RSU1: variants seen among roughly 807,000 people sequenced by gnomAD.
The protein encoded by RSU1 is rsu-1.
In RSU1, 26 loss-of-function variants were observed where a neutral mutation model predicts 31.1. The observed-to-expected ratio is 0.84, with a 90% CI of 0.61 to 1.16. RSU1 has a LOEUF of 1.16. Among genes scored for constraint, RSU1 ranks in the 50% most tolerant of loss-of-function variants. RSU1 has a pLI of 0.00. For missense variants in RSU1, 320 were observed against 339.1 expected (o/e 0.94, Z 0.44); for synonymous variants, 164 against 136.3 (o/e 1.20, Z -1.41).
chr10:16,608,124 C>A (rs548298921), intron 8 of RSU1, among the ~76,000 whole-genome samples: 43 of 152,362 alleles, frequency 2.8e-4, no homozygotes, highest in African/African-American at 1.0e-3. Flanking sequence ...AGCCACCACA[C>A]CCGGCCAGTA....
rs60014651 is a variant in RSU1 at position 16,784,087 on chromosome 10, ATT to A, written c.110-2005_110-2004del. 5.7e-4 allele frequency among the ~76,000 whole-genome samples: 83 copies of A among 146,566 alleles called. 1 individual carries two copies. Among genetic ancestry groups the A allele is most frequent in the East Asian group, 1.6e-3 (8 of 5,000 alleles). ...TTTGTATTATGTCCCTCTATGTACA[ATT>A]TTTTTTTTTTTTAACATGACCTTGC... On this transcript the variant is annotated intron_variant, in intron 2 of 8. Coordinates refer to ENST00000345264, the MANE Select transcript of RSU1 (RefSeq NM_012425.4).
chr10:16,700,630 G>C (rs563234148), intron 7 of RSU1, among the ~76,000 whole-genome samples: 2 of 152,314 alleles, frequency 1.3e-5, no homozygotes, highest in East Asian at 1.9e-4. Flanking sequence ...CATGATTACA[G>C]ACAAGTGGCC....
intron 8 of RSU1, among the ~76,000 whole-genome samples, chr10:16,607,998 T>C (rs1369692404): frequency 1.3e-5 from 2 of 152,178 alleles, no homozygotes; most frequent in East Asian, 1.9e-4. Flanking sequence ...ACCCGGCTCA[T>C]TTTTGCATTT....
chr10:16,815,251 T>A (rs944225553), intron 2 of RSU1, among the ~76,000 whole-genome samples: 12 of 152,206 alleles, frequency 7.9e-5, no homozygotes, highest in Admixed American at 2.6e-4. Flanking sequence ...GGCTAACTAG[T>A]ACACAACCTA....
intron 7 of RSU1, among the ~76,000 whole-genome samples, chr10:16,712,434 T>C (rs531958575): frequency 5.9e-5 from 9 of 152,226 alleles, no homozygotes; most frequent in Admixed American, 5.9e-4. Flanking sequence ...CTTCGCGGTT[T>C]GGTGGTTTTC....
chr10:16,597,416 G>C (rs1833634765), intron 8 of RSU1, among the ~76,000 whole-genome samples: 1 of 152,118 alleles, frequency 6.6e-6, no homozygotes, highest in African/African-American at 2.4e-5. Context: ...GGCCAGGTGG[G>C]AGCCAGTGGC....
intron 8 of RSU1, among the ~76,000 whole-genome samples, chr10:16,615,824 A>G (rs925457835): frequency 6.6e-6 from 1 of 152,226 alleles, no homozygotes; most frequent in East Asian, 1.9e-4. Flanking sequence ...CTCTGAAACC[A>G]ATGAGAACAA....
chr10:16,607,074 C>G (rs1446082812), intron 8 of RSU1, among the ~76,000 whole-genome samples: 5 of 152,162 alleles, frequency 3.3e-5, no homozygotes, highest in Non-Finnish European at 7.4e-5. Flanking sequence ...GGCGGTTTCT[C>G]ATGAATGGTT....
intron 7 of RSU1, among the ~76,000 whole-genome samples, chr10:16,740,382 A>C (rs915263222): frequency 1.3e-5 from 2 of 152,256 alleles, no homozygotes; most frequent in South Asian, 4.1e-4. Flanking sequence ...AAAAAATCTT[A>C]CAGATAACAT....
At chr10:16,635,979 C>A (rs762576148) in intron 8 of RSU1, among the ~76,000 whole-genome samples, 1 of 152,310 alleles carries the variant, frequency 6.6e-6, no homozygotes, top group South Asian at 2.1e-4. Context: ...CAGGACACTG[C>A]GCCCTCTCGG....
chr10:16,764,357 C>A, intron 4 of RSU1, 33 bp downstream of exon 4: 2 of 1,592,066 alleles, frequency 1.3e-6, no homozygotes, highest in East Asian at 4.5e-5. Flanking sequence ...CCACTCTCTT[C>A]CTCTCCATCC....
chr10:16,637,339 C>T (rs1054985451), intron 8 of RSU1, among the ~76,000 whole-genome samples: 1 of 152,198 alleles, frequency 6.6e-6, no homozygotes, highest in Admixed American at 6.5e-5. Flanking sequence ...GGGGTTTACG[C>T]AGGGGCCTGC....
intron 8 of RSU1, among the ~76,000 whole-genome samples, chr10:16,683,745 G>A (rs552828927): frequency 2.0e-4 from 31 of 152,268 alleles, no homozygotes; most frequent in South Asian, 4.1e-4. Context: ...TGGTTGGGGC[G>A]CAGCTTGGTT....
intron 7 of RSU1, among the ~76,000 whole-genome samples, chr10:16,740,000 A>G (rs1245877130): frequency 6.6e-6 from 1 of 152,200 alleles, no homozygotes; most frequent in Admixed American, 6.5e-5. Context: ...AACTCAATTC[A>G]TAATTCAAAA....
chr10:16,664,957 T>C (rs892298217), intron 8 of RSU1, among the ~76,000 whole-genome samples: 1 of 152,168 alleles, frequency 6.6e-6, no homozygotes, highest in Non-Finnish European at 1.5e-5. Context: ...TTCTTCTTTT[T>C]TTCTGAGACA....
intron 8 of RSU1, among the ~76,000 whole-genome samples, chr10:16,661,865 A>G (rs2131527759): frequency 6.6e-6 from 1 of 152,320 alleles, no homozygotes; most frequent in Non-Finnish European, 1.5e-5. Flanking sequence ...TCAAATTATT[A>G]TAAGGTCTTT....
chr10:16,795,666 T>A (rs1489123275), intron 2 of RSU1, among the ~76,000 whole-genome samples: 2 of 152,182 alleles, frequency 1.3e-5, no homozygotes, highest in Non-Finnish European at 2.9e-5. Context: ...TAAACAAATA[T>A]GCCACCGGTT....
chr10:16,698,538 A>T (rs1367097899), intron 7 of RSU1, among the ~76,000 whole-genome samples: 2 of 152,086 alleles, frequency 1.3e-5, no homozygotes, highest in Non-Finnish European at 2.9e-5. Flanking sequence ...CCACTCATGG[A>T]AGGAGAATAA....
At chr10:16,667,641 C>T (rs947051942) in intron 8 of RSU1, among the ~76,000 whole-genome samples, 2 of 152,098 alleles carry the variant, frequency 1.3e-5, no homozygotes, top group Non-Finnish European at 2.9e-5. Context: ...GCGTGCACCA[C>T]CACACCGGGC....
Sources: gnomAD v4.1 joint callset for allele counts (sites outside exome capture counted in the v4.1 genomes callset) on GRCh38, gnomAD v4.1.1 for gene constraint, MANE v1.5 for transcripts, NCBI Gene and HGNC (gene_info 2026-07-23, HGNC 2026-07-21) for gene names.